Variants in DOCK4 observed in about 807,000 individuals in gnomAD.
DOCK4 encodes the protein dedicator of cytokinesis 4, also known as dedicator of cytokinesis protein 4.
Under a neutral mutation model 268.1 loss-of-function variants are expected in DOCK4, and 97 were observed. The ratio of observed to expected loss-of-function variants is 0.36; its 90% CI spans 0.31 to 0.43. The LOEUF is 0.43. Among genes scored for constraint, DOCK4 ranks in the 20% least tolerant of loss-of-function variants. DOCK4 has a pLI of 1.00. For synonymous variants in DOCK4, 954 were observed against 887.2 expected, an observed-to-expected ratio of 1.08 and a Z score of -1.34; for missense variants, 2,145 against 2,455.7, an observed-to-expected ratio of 0.87 and a Z score of 2.67.
chr7:111,995,462 T>G (rs1044813579), intron 4 of DOCK4, among the ~76,000 whole-genome samples: 2 of 131,820 alleles, frequency 1.5e-5, no homozygotes, highest in Admixed American at 7.9e-5. Context: ...TGTGTGTATG[T>G]GCAGGTGAAA....
chr7:111,848,660 G>A (rs1056309483), intron 23 of DOCK4, among the ~76,000 whole-genome samples: 7 of 152,064 alleles, frequency 4.6e-5, no homozygotes, highest in Admixed American at 3.3e-4. Context: ...GGTCTGGGGC[G>A]GGGACTCTAA....
intron 12 of DOCK4, among the ~76,000 whole-genome samples, chr7:111,927,793 T>C (rs977288184): frequency 2.6e-5 from 4 of 152,194 alleles, no homozygotes; most frequent in African/African-American, 7.2e-5. Flanking sequence ...ACATGGTTCC[T>C]TGGCATACTG....
intron 1 of DOCK4, among the ~76,000 whole-genome samples, chr7:112,054,371 C>T (rs1236572647): frequency 6.6e-6 from 1 of 152,074 alleles, no homozygotes; most frequent in Non-Finnish European, 1.5e-5. Context: ...ACCTTTCTAA[C>T]TCTCCATGTA....
intron 31 of DOCK4, chr7:111,789,029 G>A (rs1799359801): frequency 1.6e-5 from 7 of 439,930 alleles, no homozygotes; most frequent in South Asian, 6.7e-5. Context: ...CAGTTTAAAC[G>A]TTTGAATTCT....
chr7:112,031,359 TTTG>T (rs1347567645), intron 1 of DOCK4, among the ~76,000 whole-genome samples: 2 of 152,194 alleles, frequency 1.3e-5, no homozygotes, highest in Admixed American at 6.5e-5. Context: ...ACCAAAGGCT[TTTG>T]TTGTTGTTTC....
rs116826835 is a variant in DOCK4, at chr7:111,851,537, A to G, written c.2474-4411T>C. Among the ~76,000 whole-genome samples the G allele has an allele frequency of 9.7e-3, 1,473 of 152,218 alleles. 21 individuals carry two copies. The highest frequency in any genetic ancestry group is 0.031 in the African/African-American group (1,293 of 41,518). On this transcript the variant is annotated intron_variant, in intron 23 of 52. Coordinates refer to ENST00000428084, the MANE Select transcript of DOCK4 (RefSeq NM_001363540.2). ...GATACAGATTTCTTAAACAGGTACA[A>G]AACCTCAAACTATCAAAGGTAAGTG...
chr7:111,837,542 A>C (rs1563571466), intron 25 of DOCK4, among the ~76,000 whole-genome samples: 1 of 152,218 alleles, frequency 6.6e-6, no homozygotes. Flanking sequence ...GAACTAATTG[A>C]GTTTATTTAC....
At chr7:112,030,585 T>TC (rs555710638) in intron 1 of DOCK4, among the ~76,000 whole-genome samples, 43 of 152,258 alleles carry the variant, frequency 2.8e-4, no homozygotes, top group African/African-American at 8.2e-4. Flanking sequence ...ACCCTCTCAT[T>TC]TGGGCAATGA....
At position 111,895,667 on chromosome 7, in the gene DOCK4, A is replaced by C. The variant is rs1200691606; in HGVS notation, c.1532T>G (p.Met511Arg). 6.2e-7 allele frequency: 1 copy of C among 1,613,978 alleles called. No homozygotes were observed. The change falls in exon 16 of 53, where the codon ATG becomes AGG. Residue 511 changes from methionine to arginine, a missense_variant. This residue lies in a region of DOCK4 where 1,598 missense variants were observed against 1,986.7 expected (regional missense o/e 0.80). Transcript: ENST00000428084. Reference sequence around the variant, plus strand: ...TGGAAGAGTCCTACCATCTTCTTGCATCAGAGGGACAAAAGAAAACCCAAA... The same window carrying C: ...TGGAAGAGTCCTACCATCTTCTTGCCTCAGAGGGACAAAAGAAAACCCAAA... Reference protein sequence around the residue: ...KLFGFSFVPLMQEDGRTLPDG... With the variant: ...KLFGFSFVPLRQEDGRTLPDG...
intron 1 of DOCK4, among the ~76,000 whole-genome samples, chr7:112,159,860 G>GTA (rs1290647822): frequency 1.4e-5 from 2 of 139,546 alleles, no homozygotes; most frequent in Non-Finnish European, 3.0e-5. Context: ...TATACATAAT[G>GTA]TATATACATA....
At chr7:111,950,430 T>C (rs1305267192) in intron 8 of DOCK4, among the ~76,000 whole-genome samples, 2 of 152,222 alleles carry the variant, frequency 1.3e-5, no homozygotes, top group African/African-American at 4.8e-5. Flanking sequence ...ATTACATACA[T>C]CATTTAGACT....
chr7:111,760,212 G>A lies in DOCK4; in HGVS notation c.4131C>T (p.Pro1377=), dbSNP rs374362036. The A allele has an allele frequency of 2.7e-5, 44 of 1,613,954 alleles. No individual in the cohort carries two copies. In the South Asian group the frequency reaches 3.1e-4, roughly 11 times the overall value. Residue 1377 remains proline (P), a synonymous_variant, in exon 40 of 53, where the codon CCC becomes CCT. Coordinates refer to ENST00000428084, the MANE Select transcript of DOCK4 (RefSeq NM_001363540.2). ...HAIAMQHANQ[P]DETIFQAEAQ... ...CTTCTGCCTGGAAGATGGTCTCATC[G>A]GGCTGGTTGGCGTGCTGCATGGCGA...
chr7:112,024,266 C>T (rs947741913), intron 1 of DOCK4, among the ~76,000 whole-genome samples: 5 of 152,184 alleles, frequency 3.3e-5, no homozygotes, highest in African/African-American at 7.2e-5. Context: ...ATCATCTAAA[C>T]GCTGAGACTC....
chr7:112,189,888 G>GT (rs1027716748), intron 1 of DOCK4, among the ~76,000 whole-genome samples: 2 of 151,694 alleles, frequency 1.3e-5, no homozygotes, highest in Non-Finnish European at 2.9e-5. Context: ...GGCTTTCTGG[G>GT]TTTTTTCAAT....
intron 1 of DOCK4, among the ~76,000 whole-genome samples, chr7:112,061,529 T>C (rs1806391408): frequency 6.6e-6 from 1 of 152,028 alleles, no homozygotes; most frequent in African/African-American, 2.4e-5. Context: ...TGTCACCCGC[T>C]TTCTAACACT....
At chr7:112,087,386 T>A (rs1230937504) in intron 1 of DOCK4, among the ~76,000 whole-genome samples, 1 of 152,116 alleles carries the variant, frequency 6.6e-6, no homozygotes, top group Non-Finnish European at 1.5e-5. Context: ...TTTAGATTTG[T>A]TCTGTTTTGA....
chr7:112,186,148 G>A (rs2116742779), intron 1 of DOCK4, among the ~76,000 whole-genome samples: 1 of 152,336 alleles, frequency 6.6e-6, no homozygotes, highest in East Asian at 1.9e-4. Context: ...TTTAGCCCTG[G>A]CTCTGCACCA....
At chr7:111,960,982 G>A (rs149592016) in intron 8 of DOCK4, among the ~76,000 whole-genome samples, 1 of 152,246 alleles carries the variant, frequency 6.6e-6, no homozygotes, top group African/African-American at 2.4e-5. Context: ...TAGTGCTGCA[G>A]TCAACATGGA....
intron 16 of DOCK4, among the ~76,000 whole-genome samples, chr7:111,887,208 T>C (rs1199669856): frequency 6.6e-6 from 1 of 152,204 alleles, no homozygotes; most frequent in Non-Finnish European, 1.5e-5. Flanking sequence ...TTTCTCTTCA[T>C]GGCAGGAGTG....
Sources: gnomAD v4.1 joint callset for allele counts (sites outside exome capture counted in the v4.1 genomes callset) on GRCh38, gnomAD v4.1.1 for gene constraint, gnomAD v4.1.1 regional missense constraint, MANE v1.5 for transcripts, NCBI Gene and HGNC (gene_info 2026-07-23, HGNC 2026-07-21) for gene names.